The following GSE1 variants were observed in gnomAD, a reference collection of about 807,000 sequenced individuals.
GSE1 encodes genetic suppressor element 1.
A neutral mutation model predicts 112.6 loss-of-function variants in GSE1; 32 were observed. That is an observed-to-expected ratio of 0.28 (90% CI 0.21 to 0.38). The LOEUF (loss-of-function observed/expected upper bound fraction) is 0.38. GSE1 is among the 10% of genes least tolerant of loss of function. GSE1 has a pLI of 1.00. For missense variants in GSE1, 2,348 were observed against 1,699.2 expected (o/e 1.38, Z -6.71); for synonymous variants, 1,115 against 735.6 (o/e 1.52, Z -8.35).
rs2047357825 is a variant in GSE1 at position 85,373,977 on chromosome 16, G to T, written c.2464+16334G>T. 6.6e-6 allele frequency among the ~76,000 whole-genome samples: 1 copy of T among 152,246 alleles called. No individual in the cohort carries two copies. Among genetic ancestry groups the T allele is most frequent in the African/African-American group, 2.4e-5 (1 of 41,468 alleles). ...CCTTATCCATCGCCCCACGGTGGCT[G>T]CATGTGCGTATGTGTGTGGGTGTCC... On this transcript the variant is annotated intron_variant, in intron 2 of 2. Coordinates refer to the GSE1 transcript ENST00000637419. The surrounding 1 kb of genome is among the most constrained non-coding windows in gnomAD (Gnocchi z 5.1).
At chr16:85,425,342 C>G (rs1402252942) in intron 2 of GSE1, among the ~76,000 whole-genome samples, 1 of 152,222 alleles carries the variant, frequency 6.6e-6, no homozygotes, top group East Asian at 1.9e-4. Flanking sequence ...CAGCCCCACC[C>G]CCAGGGCCAA....
intron 2 of GSE1, among the ~76,000 whole-genome samples, chr16:85,489,159 T>C (rs181184935): frequency 1.8e-3 from 268 of 152,280 alleles, no homozygotes; most frequent in African/African-American, 6.2e-3. Context: ...TTTTATTTCA[T>C]GTTAATTAGC....
At chr16:85,576,552 G>A (rs891063635) in intron 1 of GSE1, among the ~76,000 whole-genome samples, 12 of 152,150 alleles carry the variant, frequency 7.9e-5, no homozygotes, top group Admixed American at 2.0e-4. Flanking sequence ...AGCAAGTCCC[G>A]AATTGACTGT....
At chr16:85,598,467 T>C (rs942017835) in intron 1 of GSE1, among the ~76,000 whole-genome samples, 5 of 152,206 alleles carry the variant, frequency 3.3e-5, no homozygotes, top group African/African-American at 2.4e-5. Context: ...CGATGCATAT[T>C]AGAAACCAAC....
Position 85,292,355 on chromosome 16 carries a change from A to C in GSE1, c.2284-65108A>C, listed in dbSNP as rs1006845174. Among the ~76,000 whole-genome samples the C allele has an allele frequency of 4.3e-5, 6 of 140,250 alleles. No homozygotes were observed. In the East Asian group the frequency reaches 1.2e-3, roughly 29 times the overall value. 92.0% of individuals were successfully genotyped at this position (140,250 alleles called of 152,430 possible). ...TTTTTTTTTTTGTTTTCTGAGACAG[A>C]GTCTTGCTCTGTCAACAGGCTGGAG... On this transcript the variant is annotated intron_variant, in intron 1 of 2. Coordinates refer to the GSE1 transcript ENST00000637419.
chr16:85,209,689 T>C (rs747668344), intron 1 of GSE1, among the ~76,000 whole-genome samples: 2 of 152,194 alleles, frequency 1.3e-5, no homozygotes, highest in Non-Finnish European at 2.9e-5. Context: ...TCGAGGTGCA[T>C]GGCCATGGTC....
chr16:85,312,556 G>A (rs370652105), intron 1 of GSE1, among the ~76,000 whole-genome samples: 12 of 152,196 alleles, frequency 7.9e-5, no homozygotes, highest in African/African-American at 2.9e-4. Flanking sequence ...GTGGATTTGG[G>A]TGCATTTAGG....
chr16:85,521,910 T>C (rs1228687707), intron 2 of GSE1, among the ~76,000 whole-genome samples: 1 of 152,220 alleles, frequency 6.6e-6, no homozygotes, highest in Non-Finnish European at 1.5e-5. Context: ...GTGCCAAGTG[T>C]TCCCGTGACA....
chr16:85,286,221 G>C (rs2045020443), intron 1 of GSE1, among the ~76,000 whole-genome samples: 1 of 152,232 alleles, frequency 6.6e-6, no homozygotes, highest in African/African-American at 2.4e-5. Context: ...GGACACAGTG[G>C]CCACTTGATA....
intron 2 of GSE1, among the ~76,000 whole-genome samples, chr16:85,374,574 G>A (rs763203407): frequency 2.6e-5 from 4 of 152,122 alleles, no homozygotes; most frequent in Non-Finnish European, 4.4e-5. Context: ...AGCTCCTAGC[G>A]TGTTGTGTGG....
intron 2 of GSE1, among the ~76,000 whole-genome samples, chr16:85,549,131 C>T (rs1320431122): frequency 6.6e-6 from 1 of 151,884 alleles, no homozygotes; most frequent in Non-Finnish European, 1.5e-5. Context: ...CTAAATAAGG[C>T]CACATTCACA....
At chr16:85,605,127 A>G (rs2047645241) in intron 1 of GSE1, among the ~76,000 whole-genome samples, 1 of 151,496 alleles carries the variant, frequency 6.6e-6, no homozygotes, top group Admixed American at 6.6e-5. Flanking sequence ...TGCTATCAGT[A>G]TCTTCACACT....
At chr16:85,424,733 C>T (rs1309812416) in intron 2 of GSE1, among the ~76,000 whole-genome samples, 1 of 152,242 alleles carries the variant, frequency 6.6e-6, no homozygotes, top group Non-Finnish European at 1.5e-5. Flanking sequence ...GCGAGGGCTC[C>T]TCACGCCCCG....
At chr16:85,291,632 C>T (rs911354322) in intron 1 of GSE1, among the ~76,000 whole-genome samples, 1 of 152,216 alleles carries the variant, frequency 6.6e-6, no homozygotes, top group South Asian at 2.1e-4. Context: ...CGCCCTTTTC[C>T]GCCCGGCCAG....
intron 2 of GSE1, among the ~76,000 whole-genome samples, chr16:85,382,882 C>G (rs1277848081): frequency 6.7e-6 from 1 of 149,248 alleles, no homozygotes; most frequent in South Asian, 2.1e-4. Context: ...TGCACACACA[C>G]CGTGCACACA....
intron 1 of GSE1, among the ~76,000 whole-genome samples, chr16:85,174,464 AG>A (rs1260284166): frequency 6.6e-6 from 1 of 152,232 alleles, no homozygotes; most frequent in Non-Finnish European, 1.5e-5. Flanking sequence ...CTCAGCTCCC[AG>A]GGAAGCACGA....
rs368276539 is a variant in GSE1, at chr16:85,661,415, G to C, written c.1910G>C (p.Gly637Ala). 6.2e-7 allele frequency: 1 copy of C among 1,612,234 alleles called. No individual in the cohort carries two copies. Among genetic ancestry groups the C allele is most frequent in the African/African-American group, 1.3e-5 (1 of 75,068 alleles). ...RVFCPEKAEE[G>A]PRKREPAPLD... is the part of the protein sequence containing the mutation. ...TTCTGCCCGGAGAAAGCAGAGGAGGGGCCACGGAAGCGTGAGCCTGCCCCT... is the reference window on the plus strand; with the variant it reads ...TTCTGCCCGGAGAAAGCAGAGGAGGCGCCACGGAAGCGTGAGCCTGCCCCT... Residue 637 changes from glycine to alanine, a missense_variant, in exon 9 of 16, where the codon GGG becomes GCG. Transcript: ENST00000253458.
chr16:85,382,535 G>C (rs8060047), intron 2 of GSE1, among the ~76,000 whole-genome samples: 62,797 of 152,100 alleles, frequency 0.41, 13,371 homozygotes, highest in Non-Finnish European at 0.47. Context: ...TTCCCGATGA[G>C]ACAGCAGAGC....
intron 1 of GSE1, among the ~76,000 whole-genome samples, chr16:85,274,053 C>T (rs766723301): frequency 6.6e-6 from 1 of 151,410 alleles, no homozygotes; most frequent in African/African-American, 2.4e-5. Context: ...GTAGTGGCTG[C>T]ACAACATTGG....
Sources: allele counts gnomAD v4.1 joint callset (sites outside exome capture counted in the v4.1 genomes callset), GRCh38; gene constraint gnomAD v4.1.1; non-coding constraint Gnocchi (gnomAD v3.1); transcripts MANE v1.5; gene names NCBI Gene and HGNC (gene_info 2026-07-23, HGNC 2026-07-21).